Variants in DOCK8 observed in about 807,000 individuals in gnomAD.
The protein encoded by DOCK8 is dedicator of cytokinesis protein 8.
DOCK8 carries 141 observed loss-of-function variants against 245.6 expected under a neutral mutation model. The observed-to-expected ratio is 0.57, with a 90% CI of 0.50 to 0.66. The LOEUF is 0.66. DOCK8 is among the 30% of genes least tolerant of loss of function. The probability of loss-of-function intolerance (pLI) is 0.00; values close to 1 mark genes in which losing one functional copy is unlikely to be tolerated. For synonymous variants in DOCK8, 1,168 were observed against 970.2 expected (o/e 1.20, Z -3.79); for missense variants, 2,965 against 2,603.4 (o/e 1.14, Z -3.02).
At position 377,051 on chromosome 9, in the gene DOCK8, G is replaced by C; in HGVS notation, c.2280G>C (p.Leu760=). ...ESQVTFPIRV[L]DQKISEMALE... ...AGGTGACCTTCCCCATCCGCGTGCT[G>C]GATCAGAAAATCAGCGAGATGGCGC... Residue 760 remains leucine (L), a synonymous_variant, in exon 20 of 48, where the codon CTG becomes CTC. Coordinates refer to ENST00000432829, the MANE Select transcript of DOCK8 (RefSeq NM_203447.4). 6.2e-7 allele frequency: 1 copy of C among 1,613,864 alleles called. No homozygotes were observed. Among genetic ancestry groups the C allele is most frequent in the Non-Finnish European group, 8.5e-7 (1 of 1,180,018 alleles).
chr9:411,988 T>C (rs185858021), intron 28 of DOCK8, among the ~76,000 whole-genome samples: 1 of 152,294 alleles, frequency 6.6e-6, no homozygotes, highest in East Asian at 1.9e-4. Flanking sequence ...ATGTGACACT[T>C]ATTAGTGAAA....
At chr9:269,512 G>T (rs541611097) in intron 1 of DOCK8, among the ~76,000 whole-genome samples, 3 of 149,126 alleles carry the variant, frequency 2.0e-5, no homozygotes, top group Non-Finnish European at 4.4e-5. Context: ...AGGCTGCTAC[G>T]AACATTCATG....
At chr9:238,602 T>C (rs1464061756) in intron 1 of DOCK8, among the ~76,000 whole-genome samples, 1 of 152,196 alleles carries the variant, frequency 6.6e-6, no homozygotes, top group African/African-American at 2.4e-5. Context: ...AGTAAGTTCT[T>C]GGAAACAGTG....
At position 434,905 on chromosome 9, in the gene DOCK8, C is replaced by G; in HGVS notation, c.5009C>G (p.Ala1670Gly). ...GCCATGTGCCTGGTGCACGCCGCTGCGTTAGTGGCTGAGTATCTGAGCATG... is the reference window on the plus strand; with the variant it reads ...GCCATGTGCCTGGTGCACGCCGCTGGGTTAGTGGCTGAGTATCTGAGCATG... ...EAAMCLVHAA[A>G]LVAEYLSMLE... is the part of the protein sequence containing the mutation. The change falls in exon 39 of 48, where the codon GCG becomes GGG. Residue 1670 changes from alanine to glycine, a missense_variant. By Grantham distance (60) the Ala-to-Gly change is moderately conservative. This residue lies in a region of DOCK8 where 2,825 missense variants were observed against 2,453.5 expected (regional missense o/e 1.15). Transcript: ENST00000432829. 26 of 1,613,842 alleles carry G rather than the reference C, an allele frequency of 1.6e-5. No homozygotes were observed. The highest frequency in any genetic ancestry group is 2.2e-5 in the Non-Finnish European group (26 of 1,180,038).
intron 2 of DOCK8, among the ~76,000 whole-genome samples, chr9:285,590 G>A (rs2048789534): frequency 6.6e-6 from 1 of 152,002 alleles, no homozygotes; most frequent in African/African-American, 2.4e-5. Context: ...TTCTTAGGGT[G>A]GTCATTCCTA....
chr9:446,518 A>C lies in DOCK8; in HGVS notation c.5729A>C (p.His1910Pro). ...TLEGRPRGEL[H>P]EQYRRNTVLT... ...GAGGGGCGGCCTCGGGGAGAGCTGC[A>C]TGAGCAGTACAGAAGGAACACAGTC... is the stretch of plus-strand genomic sequence containing the variant. Residue 1910 changes from histidine (H) to proline (P), a missense_variant, in exon 44 of 48, where the codon CAT (histidine) becomes CCT (proline). By Grantham distance (77) the His-to-Pro change is moderately conservative. Coordinates refer to ENST00000432829, the MANE Select transcript of DOCK8 (RefSeq NM_203447.4). 6.2e-7 allele frequency: 1 copy of C among 1,614,228 alleles called. No homozygotes were observed. The highest frequency in any genetic ancestry group is 2.2e-5 in the East Asian group (1 of 44,882).
intron 43 of DOCK8, among the ~76,000 whole-genome samples, chr9:445,474 G>A (rs1454802147): frequency 6.6e-6 from 1 of 152,198 alleles, no homozygotes; most frequent in Non-Finnish European, 1.5e-5. Flanking sequence ...TGAGGGTGGA[G>A]GTGATGTGAG....
At chr9:417,132 T>C (rs2056057976) in intron 29 of DOCK8, among the ~76,000 whole-genome samples, 1 of 152,076 alleles carries the variant, frequency 6.6e-6, no homozygotes, top group Non-Finnish European at 1.5e-5. Context: ...CTGTCTCCAC[T>C]AAAAATACAA....
At position 412,207 on chromosome 9, in the gene DOCK8, C is replaced by A. The variant is rs546573292; in HGVS notation, c.3531-2575C>A. ...CGCTTTGAGCCCAGGAGACTGAGAACACCCTGAGCAACATGGCAAAACGCC... is the reference window on the plus strand; with the variant it reads ...CGCTTTGAGCCCAGGAGACTGAGAAAACCCTGAGCAACATGGCAAAACGCC... On this transcript the variant is annotated intron_variant, in intron 28 of 47. Coordinates refer to ENST00000432829, the MANE Select transcript of DOCK8 (RefSeq NM_203447.4). Among the ~76,000 whole-genome samples, 59 of 152,188 alleles carry A rather than the reference C, an allele frequency of 3.9e-4. No individual in the cohort carries two copies. In the South Asian group the frequency reaches 0.011, roughly 28 times the overall value.
At chr9:428,937 G>A (rs2056601591) in intron 35 of DOCK8, among the ~76,000 whole-genome samples, 1 of 152,086 alleles carries the variant, frequency 6.6e-6, no homozygotes, top group Non-Finnish European at 1.5e-5. Context: ...ATTATCCTGG[G>A]GTAACATGCA....
intron 32 of DOCK8, 130 bp downstream of exon 32, chr9:421,208 G>C: frequency 8.0e-7 from 1 of 1,253,134 alleles, no homozygotes; most frequent in South Asian, 1.3e-5. Flanking sequence ...AGAGACAGCG[G>C]ATTCTGGGAG....
intron 1 of DOCK8, among the ~76,000 whole-genome samples, chr9:220,084 G>A (rs965620774): frequency 6.6e-6 from 1 of 152,192 alleles, no homozygotes; most frequent in African/African-American, 2.4e-5. Context: ...AGTGGGGGTG[G>A]CTGGCAGAGT....
At chr9:282,267 C>T (rs373247312) in intron 2 of DOCK8, among the ~76,000 whole-genome samples, 37 of 152,284 alleles carry the variant, frequency 2.4e-4, no homozygotes, top group South Asian at 1.7e-3. Flanking sequence ...ATGCTCAGAA[C>T]ATCATTGCTG....
chr9:370,061 C>G lies in DOCK8; in HGVS notation c.1798-169C>G, dbSNP rs993531590. The stretch of plus-strand genomic sequence containing the variant: ...CAAGCCATTCTCCCACGCCGACCTC[C>G]CAGAGTGCTGAGATTACAGGTGTGA... On this transcript the variant is annotated intron_variant, in intron 15 of 47. Coordinates refer to ENST00000432829, the MANE Select transcript of DOCK8 (RefSeq NM_203447.4). 1.4e-4 allele frequency: 95 copies of G among 669,684 alleles called. 2 individuals are homozygous for G. The Admixed American group carries it at 1.9e-3, about 14-fold the overall frequency. 41.5% of individuals were successfully genotyped at this position (669,684 alleles called of 1,614,324 possible).
intron 1 of DOCK8, among the ~76,000 whole-genome samples, chr9:232,750 T>C (rs1300972446): frequency 6.6e-6 from 1 of 152,174 alleles, no homozygotes; most frequent in African/African-American, 2.4e-5. Flanking sequence ...ATATCCCCTT[T>C]ATCATTTTTT....
chr9:229,729 G>C (rs1371058001), intron 1 of DOCK8, among the ~76,000 whole-genome samples: 4 of 152,020 alleles, frequency 2.6e-5, no homozygotes, highest in East Asian at 1.9e-4. Flanking sequence ...TAGAGACAGA[G>C]AGACTAACAT....
intron 44 of DOCK8, among the ~76,000 whole-genome samples, chr9:448,796 G>T (rs1441876027): frequency 6.6e-6 from 1 of 152,148 alleles, no homozygotes; most frequent in Non-Finnish European, 1.5e-5. Flanking sequence ...CTCCAAAGAA[G>T]GTCACATTCT....
chr9:296,249 T>G (rs752501374), intron 4 of DOCK8, among the ~76,000 whole-genome samples: 1 of 152,228 alleles, frequency 6.6e-6, no homozygotes, highest in Non-Finnish European at 1.5e-5. Context: ...GGATTAATAT[T>G]TGATGACATC....
At chr9:459,318 T>G (rs2057733475) in intron 46 of DOCK8, among the ~76,000 whole-genome samples, 1 of 152,134 alleles carries the variant, frequency 6.6e-6, no homozygotes, top group Non-Finnish European at 1.5e-5. Context: ...AAGGAAGAAA[T>G]GTAGAAAAAG....
Sources: gnomAD v4.1 joint callset for allele counts (sites outside exome capture counted in the v4.1 genomes callset) on GRCh38, gnomAD v4.1.1 for gene constraint, gnomAD v4.1.1 regional missense constraint, MANE v1.5 for transcripts, NCBI Gene and HGNC (gene_info 2026-07-23, HGNC 2026-07-21) for gene names.